Variants in SNX29 observed in about 807,000 individuals in gnomAD.
SNX29 encodes the protein sorting nexin-29.
A neutral mutation model predicts 102.1 loss-of-function variants in SNX29; 78 were observed. The ratio of observed to expected loss-of-function variants is 0.76; its 90% CI spans 0.64 to 0.92. The LOEUF is 0.92. SNX29 is among the 40% of genes least tolerant of loss of function. SNX29 has a pLI of 0.00. For missense variants in SNX29, 1,280 were observed against 1,061.7 expected (o/e 1.21, Z -2.86); for synonymous variants, 580 against 414.5 (o/e 1.40, Z -4.85).
intron 11 of SNX29, among the ~76,000 whole-genome samples, chr16:12,121,762 T>A (rs1205524988): frequency 6.6e-6 from 1 of 152,132 alleles, no homozygotes; most frequent in East Asian, 1.9e-4. Flanking sequence ...TGGGCCCAGT[T>A]TAGGGTTTCA....
chr16:12,547,651 C>T (rs544468258), intron 20 of SNX29, among the ~76,000 whole-genome samples: 2 of 152,108 alleles, frequency 1.3e-5, no homozygotes, highest in Non-Finnish European at 2.9e-5. Context: ...ATATGATTCC[C>T]ACCCCAAGCA....
chr16:12,508,189 C>T (rs995295241), intron 19 of SNX29, among the ~76,000 whole-genome samples: 6 of 152,282 alleles, frequency 3.9e-5, no homozygotes, highest in South Asian at 4.1e-4. Context: ...GGTGGCTATT[C>T]TGTCTGTAGC....
chr16:12,016,561 C>A (rs973442617), intron 3 of SNX29, among the ~76,000 whole-genome samples: 9 of 152,150 alleles, frequency 5.9e-5, no homozygotes, highest in African/African-American at 2.2e-4. Context: ...TCCAGTTTCT[C>A]TGTGTCCTTG....
intron 20 of SNX29, among the ~76,000 whole-genome samples, chr16:12,558,053 CAG>C (rs922562734): frequency 1.4e-4 from 21 of 152,210 alleles, no homozygotes; most frequent in African/African-American, 4.8e-4. Context: ...GGGATTACAA[CAG>C]AGACATGATT....
chr16:12,153,461 CAAAAAAA>C (rs367696237), intron 13 of SNX29, among the ~76,000 whole-genome samples: 2 of 140,510 alleles, frequency 1.4e-5, no homozygotes, highest in African/African-American at 5.2e-5. Flanking sequence ...ATCTTTGTCT[CAAAAAAA>C]AAAACAAAAA....
chr16:12,078,038 C>G (rs895110219), intron 10 of SNX29, among the ~76,000 whole-genome samples: 3 of 152,192 alleles, frequency 2.0e-5, no homozygotes, highest in Non-Finnish European at 4.4e-5. Context: ...TCACAGCCAG[C>G]AGCACTGTAA....
At chr16:12,133,308 T>A (rs1173270354) in intron 13 of SNX29, among the ~76,000 whole-genome samples, 17 of 108,878 alleles carry the variant, frequency 1.6e-4, no homozygotes, top group East Asian at 5.6e-4. Context: ...TTTTTTTTTT[T>A]AAGATAGTAT....
chr16:12,407,901 G>A (rs952387436), intron 18 of SNX29, among the ~76,000 whole-genome samples: 2 of 152,184 alleles, frequency 1.3e-5, no homozygotes, highest in African/African-American at 4.8e-5. Flanking sequence ...AATTGCTTGA[G>A]CCCAGCAGTT....
At chr16:12,527,228 G>C (rs2076809267) in intron 20 of SNX29, 2 of 533,764 alleles carry the variant, frequency 3.7e-6, no homozygotes, top group African/African-American at 1.9e-5. Flanking sequence ...TGATGGATCA[G>C]CCACAGCCAA....
chr16:12,433,003 T>G (rs1221324104), intron 18 of SNX29, among the ~76,000 whole-genome samples: 1 of 151,866 alleles, frequency 6.6e-6, no homozygotes, highest in Non-Finnish European at 1.5e-5. Context: ...TGGGTAGAGG[T>G]GGGTTCTGTG....
At chr16:12,222,538 C>A (rs548468434) in intron 14 of SNX29, among the ~76,000 whole-genome samples, 2 of 152,144 alleles carry the variant, frequency 1.3e-5, no homozygotes, top group Admixed American at 6.6e-5. Context: ...CTGGCTACTT[C>A]ATATCTGGGT....
rs968004785 is a variant in SNX29 at position 12,096,647 on chromosome 16, CA to C, written c.1402+17734del. ...TGATTGGATGGGGCAAAACGGGAGG[CA>C]ATGGGGTCATGTGGGAGTGATGTAC... is the stretch of plus-strand genomic sequence containing the variant. On this transcript the variant is annotated intron_variant, in intron 11 of 20. Coordinates refer to ENST00000566228, the MANE Select transcript of SNX29 (RefSeq NM_032167.5). The surrounding 1 kb of genome is among the most constrained non-coding windows in gnomAD (Gnocchi z 4.2). 2.8e-4 allele frequency among the ~76,000 whole-genome samples: 42 copies of C among 152,276 alleles called. No homozygotes were observed. Among genetic ancestry groups the C allele is most frequent in the African/African-American group, 7.0e-4 (29 of 41,538 alleles).
intron 2 of SNX29, among the ~76,000 whole-genome samples, chr16:12,001,020 G>A (rs1329967198): frequency 6.6e-6 from 1 of 152,182 alleles, no homozygotes; most frequent in East Asian, 1.9e-4. Context: ...TTTCTCTGCT[G>A]CAGAAATGGA....
At chr16:12,427,722 G>A (rs907103890) in intron 18 of SNX29, among the ~76,000 whole-genome samples, 8 of 152,196 alleles carry the variant, frequency 5.3e-5, no homozygotes, top group Admixed American at 2.0e-4. Context: ...GGTGCAGAGC[G>A]CCCTTGATGT....
chr16:12,361,864 G>C (rs1445296119), intron 16 of SNX29, among the ~76,000 whole-genome samples: 1 of 152,086 alleles, frequency 6.6e-6, no homozygotes, highest in Non-Finnish European at 1.5e-5. Flanking sequence ...CTTACCCCCT[G>C]ATTTTCCTAC....
chr16:12,555,748 A>C (rs981847142), intron 20 of SNX29, among the ~76,000 whole-genome samples: 2 of 151,884 alleles, frequency 1.3e-5, no homozygotes, highest in East Asian at 1.9e-4. Context: ...ACCTCCCCAC[A>C]ACTCCAACTA....
At chr16:12,152,692 C>T (rs186596534) in intron 13 of SNX29, among the ~76,000 whole-genome samples, 11 of 152,270 alleles carry the variant, frequency 7.2e-5, no homozygotes, top group African/African-American at 2.2e-4. Flanking sequence ...GAGAGATGAA[C>T]GCAGTACATA....
At chr16:12,192,537 AG>A in intron 13 of SNX29, among the ~76,000 whole-genome samples, 1 of 152,074 alleles carries the variant, frequency 6.6e-6, no homozygotes. Context: ...TGTGAATTGC[AG>A]TCTCACTCTG....
intron 15 of SNX29, among the ~76,000 whole-genome samples, chr16:12,316,788 C>G (rs915696419): frequency 1.3e-5 from 2 of 152,192 alleles, no homozygotes; most frequent in African/African-American, 4.8e-5. Context: ...TTCTGCAGCC[C>G]TCCCAGGGAT....
Sources: gnomAD v4.1 joint callset for allele counts (sites outside exome capture counted in the v4.1 genomes callset) on GRCh38, gnomAD v4.1.1 for gene constraint, Gnocchi (gnomAD v3.1) non-coding constraint, MANE v1.5 for transcripts, NCBI Gene and HGNC (gene_info 2026-07-23, HGNC 2026-07-21) for gene names.